The following SETD9 variants were observed in gnomAD, a reference collection of about 807,000 sequenced individuals.
The protein encoded by SETD9 is SET domain-containing protein 9.
In SETD9, 37 loss-of-function variants were observed where a neutral mutation model predicts 36.4. That is an observed-to-expected ratio of 1.02 (90% confidence interval 0.78 to 1.34). SETD9 has a LOEUF of 1.34. Ranked by LOEUF, SETD9 falls within the 40% of genes most tolerant of loss-of-function variation. The probability of loss-of-function intolerance (pLI) is 0.00; values close to 1 mark genes in which losing one functional copy is unlikely to be tolerated. For synonymous variants in SETD9, 128 were observed against 132.9 expected, an observed-to-expected ratio of 0.96 and a Z score of 0.26; for missense variants, 323 against 353.2, an observed-to-expected ratio of 0.91 and a Z score of 0.69.
chr5:56,909,712 T>C lies in SETD9; in HGVS notation c.67T>C (p.Trp23Arg). ...CCGTTACAAGTACCGCTTCGTTCCC[T>C]GGATCGCACTGAACCTAAGCCACAA... is the stretch of plus-strand genomic sequence containing the variant. Reference protein sequence around the residue: ...WRRYKYRFVPWIALNLSHNPR... With the variant: ...WRRYKYRFVPRIALNLSHNPR... The change falls in exon 1 of 6, where the codon TGG becomes CGG. Residue 23 changes from tryptophan (W) to arginine (R), a missense_variant. Trp to Arg is a moderately radical substitution (Grantham distance 101). Coordinates refer to ENST00000285947, the MANE Select transcript of SETD9 (RefSeq NM_153706.4). 1 of 1,611,360 alleles carries C rather than the reference T, an allele frequency of 6.2e-7. No individual in the cohort carries two copies. Among genetic ancestry groups the C allele is most frequent in the Non-Finnish European group, 8.5e-7 (1 of 1,179,000 alleles).
chr5:56,921,843 A>G (rs1749688926), downstream of SETD9: 1 of 152,672 alleles, frequency 6.5e-6, no homozygotes, highest in African/African-American at 2.4e-5. Context: ...ACTGTATTAC[A>G]TATTGTTTGA....
At position 56,909,704 on chromosome 5, in the gene SETD9, T is replaced by G; in HGVS notation, c.59T>G (p.Phe20Cys). 1 of 1,611,300 alleles carries G rather than the reference T, an allele frequency of 6.2e-7. No homozygotes were observed. Among genetic ancestry groups the G allele is most frequent in the Non-Finnish European group, 8.5e-7 (1 of 1,179,038 alleles). Residue 20 changes from phenylalanine to cysteine, a missense_variant, in exon 1 of 6, where the codon TTC (phenylalanine) becomes TGC (cysteine). Phe to Cys is a radical substitution (Grantham distance 205). Coordinates refer to ENST00000285947, the MANE Select transcript of SETD9 (RefSeq NM_153706.4). Reference protein sequence around the residue: ...WQRWRRYKYRFVPWIALNLSH... With the variant: ...WQRWRRYKYRCVPWIALNLSH... ...CGATGGCGCCGTTACAAGTACCGCT[T>G]CGTTCCCTGGATCGCACTGAACCTA...
At chr5:56,917,477 A>G (rs975227783), downstream of SETD9, 1 of 306,002 alleles carries the variant, frequency 3.3e-6, no homozygotes, top group Non-Finnish European at 4.8e-6. Flanking sequence ...AAAGTGCAAG[A>G]TAGTGTTGGT....
chr5:56,917,393 G>C (rs966720325), downstream of SETD9: 2 of 854,654 alleles, frequency 2.3e-6, no homozygotes, highest in Non-Finnish European at 2.8e-6. Context: ...AGCTGGCTGA[G>C]GGGAAAATGT....
upstream of SETD9, chr5:56,909,405 A>G: frequency 2.5e-6 from 1 of 402,058 alleles, no homozygotes; most frequent in Non-Finnish European, 4.4e-6. Context: ...GACCGGAGAA[A>G]GAAAAAGTGG....
At chr5:56,914,107 C>A in intron 4 of SETD9, 118 bp downstream of exon 4, 2 of 575,542 alleles carry the variant, frequency 3.5e-6, no homozygotes, top group South Asian at 5.9e-5. Context: ...TAGTCAAGTC[C>A]TTAAGCAACT....
intron 5 of SETD9, among the ~76,000 whole-genome samples, chr5:56,916,396 A>G (rs1749428014): frequency 6.6e-6 from 1 of 152,242 alleles, no homozygotes; most frequent in Non-Finnish European, 1.5e-5. Context: ...CATCTCAAAA[A>G]AAACAAACAA....
At chr5:56,910,960 T>C in intron 1 of SETD9, 1 of 404,722 alleles carries the variant, frequency 2.5e-6, no homozygotes, top group Non-Finnish European at 4.3e-6. Flanking sequence ...AATGGGCCTT[T>C]CATAAGTACT....
chr5:56,913,173 A>G, intron 3 of SETD9, 39 bp downstream of exon 3: 1 of 1,602,828 alleles, frequency 6.2e-7, no homozygotes, highest in South Asian at 1.1e-5. Flanking sequence ...TATAGGAGAC[A>G]GAACCGCACT....
downstream of SETD9, among the ~76,000 whole-genome samples, chr5:56,926,891 A>C (rs1029065478): frequency 6.6e-6 from 1 of 152,192 alleles, no homozygotes; most frequent in Non-Finnish European, 1.5e-5. Flanking sequence ...GTGATAAAAA[A>C]AAGAATGAGC....
At chr5:56,911,595 T>G (rs1412775258) in intron 2 of SETD9, 59 bp downstream of exon 2, 1 of 1,459,500 alleles carries the variant, frequency 6.9e-7, no homozygotes, top group African/African-American at 1.4e-5. Context: ...TAAACATAAG[T>G]TCAGTAACAT....
downstream of SETD9, among the ~76,000 whole-genome samples, chr5:56,919,442 G>A (rs1227519065): frequency 6.6e-6 from 1 of 151,920 alleles, no homozygotes. Flanking sequence ...AGGATTTAAG[G>A]AAAATATTTA....
chr5:56,924,100 C>G (rs1749831623), intron 5 of SETD9: 1 of 1,564,690 alleles, frequency 6.4e-7, no homozygotes, highest in African/African-American at 1.4e-5. Context: ...TTTTAAGCAA[C>G]TTTTCTTTTC....
intron 1 of SETD9, 63 bp downstream of exon 1, chr5:56,909,806 G>T (rs1422163830): frequency 2.7e-6 from 4 of 1,504,336 alleles, no homozygotes; most frequent in East Asian, 2.5e-5. Context: ...CCACCACGGC[G>T]GCGGGACGCA....
At chr5:56,927,040 C>T (rs76601122), downstream of SETD9, among the ~76,000 whole-genome samples, 1,408 of 152,078 alleles carry the variant, frequency 9.3e-3, 16 homozygotes, top group African/African-American at 0.028. Flanking sequence ...GAAATGGCAA[C>T]AGTACAGACA....
chr5:56,926,186 G>A (rs990990044), downstream of SETD9, among the ~76,000 whole-genome samples: 4 of 152,002 alleles, frequency 2.6e-5, no homozygotes, highest in South Asian at 2.1e-4. Flanking sequence ...CTTAGGTTTG[G>A]CAATGATTTT....
intron 1 of SETD9, chr5:56,910,465 C>T: frequency 8.4e-7 from 1 of 1,188,168 alleles, no homozygotes; most frequent in Non-Finnish European, 1.1e-6. Context: ...AAGAGGCCGA[C>T]CGGGCCTCCC....
At chr5:56,912,110 G>T (rs908933724) in intron 2 of SETD9, 2 of 868,922 alleles carry the variant, frequency 2.3e-6, no homozygotes, top group Admixed American at 6.2e-5. Flanking sequence ...AGCCGAGATT[G>T]TGCCATTGCG....
chr5:56,909,725 A>C lies in SETD9; in HGVS notation c.80A>C (p.Asn27Thr). The C allele has an allele frequency of 6.2e-7, 1 of 1,610,894 alleles. No homozygotes were observed. Among genetic ancestry groups the C allele is most frequent in the East Asian group, 2.2e-5 (1 of 44,626 alleles). ...KYRFVPWIAL[N>T]LSHNPRTLRY... ...CGCTTCGTTCCCTGGATCGCACTGA[A>C]CCTAAGCCACAACCCGAGGTGAGAG... Residue 27 changes from asparagine to threonine, a missense_variant, in exon 1 of 6, where the codon AAC (asparagine) becomes ACC (threonine). Transcript: ENST00000285947.
Sources: gnomAD v4.1 joint callset for allele counts (sites outside exome capture counted in the v4.1 genomes callset) on GRCh38, gnomAD v4.1.1 for gene constraint, MANE v1.5 for transcripts, NCBI Gene and HGNC (gene_info 2026-07-23, HGNC 2026-07-21) for gene names.